Variants in SLC1A3 observed in about 807,000 individuals in gnomAD.
SLC1A3 encodes the protein solute carrier family 1 member 3, also known as excitatory amino acid transporter 1.
SLC1A3 carries 21 observed loss-of-function variants against 48.1 expected under a neutral mutation model. That is an observed-to-expected ratio of 0.44 (90% CI 0.31 to 0.63). The LOEUF (loss-of-function observed/expected upper bound fraction) is 0.63, where lower values mean the gene tolerates loss of function less well. Ranked by LOEUF, SLC1A3 falls within the 20% of genes least tolerant of loss-of-function variation. The pLI is 0.08. For synonymous variants in SLC1A3, 239 were observed against 251.4 expected (o/e 0.95, Z 0.47); for missense variants, 546 against 689.0 (o/e 0.79, Z 2.32).
intron 3 of SLC1A3, among the ~76,000 whole-genome samples, chr5:36,643,758 G>C (rs1740720189): frequency 1.3e-5 from 2 of 152,122 alleles, no homozygotes; most frequent in Admixed American, 1.3e-4. Flanking sequence ...ACTTTGGGTG[G>C]CCGAGGCGGG....
chr5:36,597,029 G>A (rs150719245), intron 1 of SLC1A3, among the ~76,000 whole-genome samples: 130 of 152,114 alleles, frequency 8.5e-4, no homozygotes, highest in African/African-American at 3.0e-3. Flanking sequence ...TGTTTGGTTG[G>A]TTGTTTTGTT....
chr5:36,610,231 T>TA (rs1158429207), intron 2 of SLC1A3, among the ~76,000 whole-genome samples: 1 of 152,214 alleles, frequency 6.6e-6, no homozygotes. Flanking sequence ...TTTTAAGAGA[T>TA]GCCAGGAAGA....
chr5:36,646,258 G>A (rs1259247636), intron 3 of SLC1A3, among the ~76,000 whole-genome samples: 1 of 152,220 alleles, frequency 6.6e-6, no homozygotes, highest in African/African-American at 2.4e-5. Flanking sequence ...GAATTGTAAA[G>A]AACGCTGATA....
At chr5:36,605,944 C>T (rs1320898664), upstream of SLC1A3, among the ~76,000 whole-genome samples, 2 of 152,178 alleles carry the variant, frequency 1.3e-5, no homozygotes, top group Non-Finnish European at 2.9e-5. Flanking sequence ...TCTTAAAATG[C>T]TTTTCATTTT....
intron 3 of SLC1A3, chr5:36,668,942 C>T (rs1016732355): frequency 6.6e-6 from 1 of 152,060 alleles, no homozygotes; most frequent in African/African-American, 2.4e-5. Context: ...GCACTCTCTC[C>T]GAATAGCTGT....
chr5:36,626,110 G>T (rs1739893099), intron 2 of SLC1A3, among the ~76,000 whole-genome samples: 1 of 152,158 alleles, frequency 6.6e-6, no homozygotes, highest in Non-Finnish European at 1.5e-5. Flanking sequence ...CTGAGTAAGT[G>T]CAGGGCTTGA....
chr5:36,639,797 C>CTA (rs1323048163), intron 3 of SLC1A3, among the ~76,000 whole-genome samples: 2 of 152,132 alleles, frequency 1.3e-5, no homozygotes, highest in African/African-American at 4.8e-5. Flanking sequence ...ATAGAAAATG[C>CTA]TATATATAAG....
chr5:36,672,469 C>A (rs953421042), intron 4 of SLC1A3, among the ~76,000 whole-genome samples: 3 of 152,226 alleles, frequency 2.0e-5, no homozygotes, highest in Non-Finnish European at 4.4e-5. Flanking sequence ...CAAAGACTAG[C>A]TCTTTCCTCC....
intron 3 of SLC1A3, among the ~76,000 whole-genome samples, chr5:36,651,632 G>T (rs968195473): frequency 6.9e-6 from 1 of 144,302 alleles, no homozygotes; most frequent in Non-Finnish European, 1.5e-5. Flanking sequence ...TTACCCTCAG[G>T]TCTTACCTTG....
At chr5:36,609,777 G>A (rs1469517647) in intron 2 of SLC1A3, among the ~76,000 whole-genome samples, 1 of 152,146 alleles carries the variant, frequency 6.6e-6, no homozygotes, top group Admixed American at 6.5e-5. Context: ...ACCCAGAGAA[G>A]TAATGGCTTT....
At chr5:36,599,589 A>C (rs1471727086) in intron 1 of SLC1A3, among the ~76,000 whole-genome samples, 1 of 124,326 alleles carries the variant, frequency 8.0e-6, no homozygotes, top group Non-Finnish European at 1.6e-5. Context: ...GGCTCACTGC[A>C]AGCTCCGCCT....
intron 3 of SLC1A3, among the ~76,000 whole-genome samples, chr5:36,663,880 C>T (rs1317636110): frequency 6.6e-6 from 1 of 152,218 alleles, no homozygotes; most frequent in Non-Finnish European, 1.5e-5. Context: ...CCAAGAATCA[C>T]TGATAAAAGT....
intron 3 of SLC1A3, among the ~76,000 whole-genome samples, chr5:36,631,351 C>G (rs1740125658): frequency 6.6e-6 from 1 of 152,116 alleles, no homozygotes; most frequent in African/African-American, 2.4e-5. Context: ...AGTGGAATTT[C>G]CTGATTTTTC....
chr5:36,683,572 G>A (rs1742522747), intron 8 of SLC1A3, among the ~76,000 whole-genome samples: 1 of 151,962 alleles, frequency 6.6e-6, no homozygotes, highest in Non-Finnish European at 1.5e-5. Flanking sequence ...GTCGAGTGTG[G>A]GGGCATGAAG....
chr5:36,661,104 C>T (rs1000440980), intron 3 of SLC1A3, among the ~76,000 whole-genome samples: 1 of 152,178 alleles, frequency 6.6e-6, no homozygotes, highest in Non-Finnish European at 1.5e-5. Flanking sequence ...AGATAAGATT[C>T]ACATCTCTGG....
chr5:36,658,324 G>A (rs1011046846), intron 3 of SLC1A3, among the ~76,000 whole-genome samples: 1 of 152,096 alleles, frequency 6.6e-6, no homozygotes, highest in African/African-American at 2.4e-5. Context: ...GGCAGAATAG[G>A]GTAGGCCTGC....
intron 2 of SLC1A3, 103 bp downstream of exon 2, chr5:36,608,707 T>G: frequency 6.5e-7 from 1 of 1,546,982 alleles, no homozygotes; most frequent in Non-Finnish European, 8.7e-7. Context: ...GGTATCAAAA[T>G]GGTAGCCTAG....
chr5:36,650,171 A>C (rs543101682), intron 3 of SLC1A3, among the ~76,000 whole-genome samples: 1 of 152,188 alleles, frequency 6.6e-6, no homozygotes, highest in African/African-American at 2.4e-5. Context: ...TACTGTTTCT[A>C]CCTTGACCTC....
chr5:36,661,517 A>G (rs183606365), intron 3 of SLC1A3, among the ~76,000 whole-genome samples: 17 of 152,360 alleles, frequency 1.1e-4, no homozygotes, highest in African/African-American at 3.8e-4. Flanking sequence ...TTTCAGTTTC[A>G]AGCAACAAAC....
Sources: gnomAD v4.1 joint callset for allele counts (sites outside exome capture counted in the v4.1 genomes callset) on GRCh38, gnomAD v4.1.1 for gene constraint, MANE v1.5 for transcripts, NCBI Gene and HGNC (gene_info 2026-07-23, HGNC 2026-07-21) for gene names.